RERE: variants seen among roughly 807,000 people sequenced by gnomAD.
RERE encodes arginine-glutamic acid dipeptide repeats, also known as arginine-glutamic acid dipeptide repeats protein.
A neutral mutation model predicts 146.1 loss-of-function variants in RERE; 40 were observed. The observed-to-expected ratio is 0.27, with a 90% CI of 0.21 to 0.36. The LOEUF is 0.36. Among genes scored for constraint, RERE ranks in the 10% least tolerant of loss-of-function variants. The pLI is 1.00. For missense variants in RERE, 1,933 were observed against 2,138.7 expected, an observed-to-expected ratio of 0.90 and a Z score of 1.90; for synonymous variants, 1,003 against 866.0, an observed-to-expected ratio of 1.16 and a Z score of -2.78.
At chr1:8,394,527 G>A (rs972286050) in intron 12 of RERE, among the ~76,000 whole-genome samples, 8 of 152,172 alleles carry the variant, frequency 5.3e-5, no homozygotes, top group South Asian at 2.1e-4. Flanking sequence ...CAAGGACAGC[G>A]GGAGTGGAAA....
intron 1 of RERE, chr1:8,805,768 A>T (rs1322651897): frequency 6.6e-6 from 1 of 151,238 alleles, no homozygotes; most frequent in African/African-American, 2.4e-5. Context: ...CAAAAGTTGC[A>T]GTGAGCCAAG....
chr1:8,552,017 G>A (rs982006776), intron 6 of RERE, among the ~76,000 whole-genome samples: 3 of 152,196 alleles, frequency 2.0e-5, no homozygotes, highest in Admixed American at 2.0e-4. Flanking sequence ...TACCTTGAAA[G>A]GTAGAGATAA....
At chr1:8,705,470 T>C (rs865947425) in intron 1 of RERE, among the ~76,000 whole-genome samples, 2 of 152,132 alleles carry the variant, frequency 1.3e-5, no homozygotes, top group Admixed American at 6.5e-5. Flanking sequence ...AGATCTCAGG[T>C]CAAACATCAC....
chr1:8,503,091 T>A (rs1177720855), intron 8 of RERE, among the ~76,000 whole-genome samples: 53 of 88,450 alleles, frequency 6.0e-4, no homozygotes, highest in African/African-American at 2.6e-3. Context: ...CAATTAAAAA[T>A]AAATAAATAA....
At chr1:8,742,179 T>C (rs1192096418) in intron 1 of RERE, among the ~76,000 whole-genome samples, 2 of 152,194 alleles carry the variant, frequency 1.3e-5, no homozygotes, top group Non-Finnish European at 2.9e-5. Flanking sequence ...GCTTCTATGG[T>C]AGAAAATCAA....
At chr1:8,667,770 T>C (rs543848904) in intron 1 of RERE, among the ~76,000 whole-genome samples, 37 of 152,386 alleles carry the variant, frequency 2.4e-4, no homozygotes, top group African/African-American at 8.9e-4. Flanking sequence ...TTTCCAATTA[T>C]ATACAGTTAG....
chr1:8,437,890 C>G (rs536677067), intron 11 of RERE, among the ~76,000 whole-genome samples: 1 of 144,700 alleles, frequency 6.9e-6, no homozygotes, highest in East Asian at 2.0e-4. Context: ...TGCAGTATGT[C>G]CCCCGAAATA....
intron 11 of RERE, among the ~76,000 whole-genome samples, chr1:8,446,814 C>T (rs1312492811): frequency 5.3e-5 from 8 of 151,990 alleles, no homozygotes; most frequent in Non-Finnish European, 8.8e-5. Context: ...GCTGGGACTA[C>T]AGGCGCCCAC....
chr1:8,355,378 C>CTCAGA, intron 22 of RERE, 41 bp downstream of exon 22: 1 of 1,598,526 alleles, frequency 6.3e-7, no homozygotes, highest in Non-Finnish European at 8.5e-7. Flanking sequence ...GGAGCCTGGG[C>CTCAGA]TCAGATAACC....
chr1:8,566,319 TAAAAC>T (rs1459282891), intron 4 of RERE, among the ~76,000 whole-genome samples: 1 of 151,602 alleles, frequency 6.6e-6, no homozygotes, highest in Non-Finnish European at 1.5e-5. Flanking sequence ...AGAGGAAAAA[TAAAAC>T]AAAATAAAAT....
Position 8,365,690 on chromosome 1 carries a change from G to A in RERE, c.1447+122C>T, listed in dbSNP as rs1028375887. The A allele has an allele frequency of 5.4e-6, 6 of 1,104,786 alleles. No individual in the cohort carries two copies. The African/African-American group carries it at 9.4e-5, about 17-fold the overall frequency. 68.4% of individuals were successfully genotyped at this position (1,104,786 alleles called of 1,614,324 possible). A position where few individuals can be genotyped will look rare whatever the true frequency, so the allele number is the denominator to read the frequency against. ...TAGGTCAGGCTTCACACATGCACTG[G>A]AGCACGGGTGCACACCCCCTCATGC... is the stretch of plus-strand genomic sequence containing the variant. On this transcript the variant is annotated intron_variant, in intron 13 of 22. Coordinates refer to ENST00000400908, the MANE Select transcript of RERE (RefSeq NM_001042681.2).
At chr1:8,593,909 G>C (rs1342204940) in intron 4 of RERE, among the ~76,000 whole-genome samples, 2 of 152,148 alleles carry the variant, frequency 1.3e-5, no homozygotes, top group African/African-American at 4.8e-5. Context: ...GGGCAGACAG[G>C]AGGAGACTAG....
At chr1:8,691,535 A>G (rs947528506) in intron 1 of RERE, among the ~76,000 whole-genome samples, 2 of 152,232 alleles carry the variant, frequency 1.3e-5, no homozygotes, top group African/African-American at 2.4e-5. Context: ...AGGGCTCACC[A>G]GAATAGGAGT....
At chr1:8,355,733 A>G in intron 21 of RERE, 134 bp from the exon 22 acceptor site, 1 of 768,392 alleles carries the variant, frequency 1.3e-6, no homozygotes, top group Non-Finnish European at 2.0e-6. Context: ...CCCCTCCCAG[A>G]CTCTGCAGAC....
At chr1:8,574,871 T>G (rs377351786) in intron 4 of RERE, among the ~76,000 whole-genome samples, 97 of 152,352 alleles carry the variant, frequency 6.4e-4, no homozygotes, top group African/African-American at 2.2e-3. Flanking sequence ...ATATGAAAAT[T>G]CACTGAGCTT....
intron 12 of RERE, among the ~76,000 whole-genome samples, chr1:8,378,365 G>T (rs974544526): frequency 2.1e-4 from 32 of 152,364 alleles, no homozygotes; most frequent in East Asian, 1.2e-3. Flanking sequence ...GAAGGAAGGG[G>T]AGAGACTGCA....
At chr1:8,808,847 T>C (rs571131581) in intron 1 of RERE, among the ~76,000 whole-genome samples, 6 of 151,976 alleles carry the variant, frequency 3.9e-5, no homozygotes, top group African/African-American at 1.5e-4. Context: ...AAACAAAGTA[T>C]TGAGGGAGGG....
chr1:8,383,322 T>A (rs1446556945), intron 12 of RERE, among the ~76,000 whole-genome samples: 1 of 150,770 alleles, frequency 6.6e-6, no homozygotes, highest in African/African-American at 2.4e-5. Flanking sequence ...GGCAACAGAA[T>A]GACGCCACAC....
intron 1 of RERE, among the ~76,000 whole-genome samples, chr1:8,680,817 G>C (rs545359750): frequency 6.6e-6 from 1 of 152,304 alleles, no homozygotes; most frequent in East Asian, 1.9e-4. Flanking sequence ...TTCACATTCA[G>C]CTCAGACTGG....
Sources: allele counts gnomAD v4.1 joint callset (sites outside exome capture counted in the v4.1 genomes callset), GRCh38; gene constraint gnomAD v4.1.1; transcripts MANE v1.5; gene names NCBI Gene and HGNC (gene_info 2026-07-23, HGNC 2026-07-21).